Variants in IGF1R observed in about 807,000 individuals in gnomAD.
IGF1R encodes insulin-like growth factor 1 receptor.
Under a neutral mutation model 144.6 loss-of-function variants are expected in IGF1R, and 44 were observed. That is an observed-to-expected ratio of 0.30 (90% CI 0.24 to 0.39). The LOEUF is 0.39. IGF1R is among the 10% of genes least tolerant of loss of function. IGF1R has a pLI of 1.00. For synonymous variants in IGF1R, 795 were observed against 722.8 expected (o/e 1.10, Z -1.60); for missense variants, 1,355 against 1,833.7 (o/e 0.74, Z 4.77).
intron 2 of IGF1R, among the ~76,000 whole-genome samples, chr15:98,750,915 A>T (rs146847190): frequency 0.026 from 3,995 of 152,062 alleles, 159 homozygotes; most frequent in African/African-American, 0.091. Flanking sequence ...CAGCCTCCCG[A>T]GTAGCTGGGA....
intron 1 of IGF1R, among the ~76,000 whole-genome samples, chr15:98,681,989 T>G (rs533892953): frequency 6.6e-6 from 1 of 152,242 alleles, no homozygotes; most frequent in East Asian, 1.9e-4. Context: ...CTTAGTGATT[T>G]TCTGTGTAGG....
At chr15:98,659,267 C>G (rs2052549896) in intron 1 of IGF1R, among the ~76,000 whole-genome samples, 1 of 152,016 alleles carries the variant, frequency 6.6e-6, no homozygotes, top group South Asian at 2.1e-4. Flanking sequence ...CGATGGTCAT[C>G]CCCCTGCAGT....
rs777172866 is a variant in IGF1R, at chr15:98,922,145, C to A, written c.2202-3C>A. 1 of 1,614,132 alleles carries A rather than the reference C, an allele frequency of 6.2e-7. No homozygotes were observed. ...AAAAGCCACATTTCTCTCCTCCTTGCAGACCTGAAAGGAAGCGGAGAGATG... is the reference window on the plus strand; with the variant it reads ...AAAAGCCACATTTCTCTCCTCCTTGAAGACCTGAAAGGAAGCGGAGAGATG... On this transcript the variant is annotated splice_polypyrimidine_tract_variant and splice_region_variant and intron_variant, in intron 10 of 20. Transcript: ENST00000650285.
rs757040972 is a variant in IGF1R at position 98,957,319 on chromosome 15, C to T, written c.3981C>T (p.Asn1327=). 58 of 1,612,190 alleles carry T rather than the reference C, an allele frequency of 3.6e-5. No individual in the cohort carries two copies. Among genetic ancestry groups the T allele is most frequent in the African/African-American group, 1.3e-4 (10 of 74,918 alleles). The change falls in exon 21 of 21, where the codon AAC becomes AAT. Residue 1327 remains asparagine (N), a synonymous_variant. Transcript: ENST00000650285. Reference sequence around the variant, plus strand: ...GACACTCAGGACACAAGGCCGAGAACGGCCCCGGCCCTGGGGTGCTGGTCC... The same window carrying T: ...GACACTCAGGACACAAGGCCGAGAATGGCCCCGGCCCTGGGGTGCTGGTCC... ...PDRHSGHKAE[N]GPGPGVLVLR...
intron 2 of IGF1R, among the ~76,000 whole-genome samples, chr15:98,776,967 C>T (rs1252116518): frequency 6.6e-6 from 1 of 152,206 alleles, no homozygotes; most frequent in Non-Finnish European, 1.5e-5. Flanking sequence ...TCAGGATTTA[C>T]AAGTTCTTGC....
At chr15:98,810,299 G>A (rs1199497558) in intron 2 of IGF1R, among the ~76,000 whole-genome samples, 1 of 152,096 alleles carries the variant, frequency 6.6e-6, no homozygotes. Context: ...TGTTTGTCCA[G>A]TTACTGTGTC....
rs563020845 is a variant in IGF1R, at chr15:98,879,340, T to C, written c.641-11985T>C. Among the ~76,000 whole-genome samples the C allele has an allele frequency of 2.5e-4, 38 of 152,326 alleles. No individual in the cohort carries two copies. In the South Asian group the frequency reaches 6.0e-3, roughly 24 times the overall value. On this transcript the variant is annotated intron_variant, in intron 2 of 20. Transcript: ENST00000650285. ...CCAAATTCCGCCCCCAGCCCCTTCTTAATATTGGACTTTATTCCTTTGCTT... is the reference window on the plus strand; with the variant it reads ...CCAAATTCCGCCCCCAGCCCCTTCTCAATATTGGACTTTATTCCTTTGCTT...
intron 2 of IGF1R, among the ~76,000 whole-genome samples, chr15:98,870,573 G>T (rs1403352856): frequency 6.6e-6 from 1 of 152,178 alleles, no homozygotes; most frequent in Non-Finnish European, 1.5e-5. Context: ...AGCCAGTGTG[G>T]TTGGAGCAGG....
intron 2 of IGF1R, among the ~76,000 whole-genome samples, chr15:98,816,810 AG>A (rs2056704725): frequency 6.6e-6 from 1 of 152,176 alleles, no homozygotes; most frequent in Non-Finnish European, 1.5e-5. Flanking sequence ...GAGGTGGGAG[AG>A]GGAGATGAAT....
chr15:98,954,175 G>A (rs2016887845), intron 20 of IGF1R: 1 of 152,250 alleles, frequency 6.6e-6, no homozygotes, highest in African/African-American at 2.4e-5. Context: ...AGGGCCAAGA[G>A]TGAAGTGAGA....
chr15:98,663,181 TGA>T (rs2141180543), intron 1 of IGF1R, among the ~76,000 whole-genome samples: 1 of 151,876 alleles, frequency 6.6e-6, no homozygotes, highest in East Asian at 1.9e-4. Context: ...GTCCTCGGTG[TGA>T]GGGGCTGGGT....
intron 5 of IGF1R, among the ~76,000 whole-genome samples, chr15:98,905,749 A>C (rs1443994411): frequency 6.6e-6 from 1 of 152,154 alleles, no homozygotes; most frequent in East Asian, 1.9e-4. Context: ...AGGAAATCAC[A>C]TTTACTGAAT....
At chr15:98,950,985 G>A (rs1292954675) in intron 20 of IGF1R, among the ~76,000 whole-genome samples, 1 of 152,246 alleles carries the variant, frequency 6.6e-6, no homozygotes, top group Non-Finnish European at 1.5e-5. Flanking sequence ...ATGGGGTGGG[G>A]AAGACTGGAT....
At chr15:98,667,840 C>A (rs2141190013) in intron 1 of IGF1R, among the ~76,000 whole-genome samples, 1 of 152,094 alleles carries the variant, frequency 6.6e-6, no homozygotes, top group South Asian at 2.1e-4. Flanking sequence ...CCACTCTCAT[C>A]CTCCCCTTTT....
chr15:98,917,101 G>C, intron 10 of IGF1R: 1 of 618,154 alleles, frequency 1.6e-6, no homozygotes, highest in East Asian at 2.9e-5. Flanking sequence ...TGGGGCCACC[G>C]GTGTGACAGG....
At chr15:98,871,020 C>T (rs1302007684) in intron 2 of IGF1R, among the ~76,000 whole-genome samples, 1 of 152,224 alleles carries the variant, frequency 6.6e-6, no homozygotes, top group East Asian at 1.9e-4. Flanking sequence ...CACCTCCATG[C>T]CCAGGAGCTG....
chr15:98,739,322 G>A (rs544723056), intron 2 of IGF1R, among the ~76,000 whole-genome samples: 4 of 152,214 alleles, frequency 2.6e-5, no homozygotes, highest in South Asian at 4.2e-4. Context: ...CTGCTGTCCC[G>A]TCTGTCATAG....
chr15:98,663,187 G>A (rs1431213576), intron 1 of IGF1R, among the ~76,000 whole-genome samples: 2 of 152,198 alleles, frequency 1.3e-5, no homozygotes, highest in Non-Finnish European at 2.9e-5. Flanking sequence ...GGTGTGAGGG[G>A]CTGGGTTGCC....
At chr15:98,684,930 CTTTTTTTTT>C (rs5814891) in intron 1 of IGF1R, among the ~76,000 whole-genome samples, 2 of 113,440 alleles carry the variant, frequency 1.8e-5, no homozygotes, top group East Asian at 2.5e-4. Context: ...CTTCCTTTTC[CTTTTTTTTT>C]TTTTTTTTTT....
Sources: allele counts gnomAD v4.1 joint callset (sites outside exome capture counted in the v4.1 genomes callset), GRCh38; gene constraint gnomAD v4.1.1; transcripts MANE v1.5; gene names NCBI Gene and HGNC (gene_info 2026-07-23, HGNC 2026-07-21).